Variants in DONSON observed in about 807,000 individuals in gnomAD.
DONSON encodes protein downstream neighbor of Son.
DONSON carries 43 observed loss-of-function variants against 62.1 expected under a neutral mutation model. The ratio of observed to expected loss-of-function variants is 0.69; its 90% confidence interval spans 0.54 to 0.89. The LOEUF is 0.89. DONSON is among the 40% of genes least tolerant of loss of function. DONSON has a pLI of 0.00. For missense variants in DONSON, 696 were observed against 697.5 expected (o/e 1.00, Z 0.03); for synonymous variants, 266 against 264.6 (o/e 1.01, Z -0.05).
In DONSON at chr21:33,588,459, C is replaced by T. The variant is rs1372351249; in HGVS notation, c.183G>A (p.Ala61=). Residue 61 remains alanine (A), a synonymous_variant, in exon 1 of 10, where the codon GCG becomes GCA. Transcript: ENST00000303071. ...AGLPLRPFPA[A]GGRGGGSGGG... is the part of the protein sequence containing the mutation. Reference sequence around the variant, plus strand: ...CGCCGCTGCCACCGCCTCTGCCCCCCGCAGCAGGGAAAGGGCGAAGAGGCA... The same window carrying T: ...CGCCGCTGCCACCGCCTCTGCCCCCTGCAGCAGGGAAAGGGCGAAGAGGCA... 3.8e-6 allele frequency: 5 copies of T among 1,301,466 alleles called. No homozygotes were observed. Among genetic ancestry groups the T allele is most frequent in the Middle Eastern group, 2.8e-4 (1 of 3,566 alleles). 80.6% of individuals were successfully genotyped at this position (1,301,466 alleles called of 1,614,324 possible). A position where few individuals can be genotyped will look rare whatever the true frequency, so the allele number is the denominator to read the frequency against.
intron 5 of DONSON, 136 bp downstream of exon 5, chr21:33,583,352 G>C (rs1320278264): frequency 1.3e-6 from 1 of 772,408 alleles, no homozygotes; most frequent in African/African-American, 1.8e-5. Flanking sequence ...GGGAAAAAAA[G>C]CCAGAAATAA....
At chr21:33,585,795 TA>T (rs773701289) in intron 3 of DONSON, among the ~76,000 whole-genome samples, 182 bp downstream of exon 3, 158 of 142,896 alleles carry the variant, frequency 1.1e-3, no homozygotes, top group Middle Eastern at 3.6e-3. Context: ...CAATCTGACT[TA>T]AAAAAAAAAA....
At chr21:33,583,754 T>A in intron 4 of DONSON, 88 bp from the exon 5 acceptor site, 1 of 1,046,282 alleles carries the variant, frequency 9.6e-7, no homozygotes, top group Non-Finnish European at 1.4e-6. Flanking sequence ...ATACCTGGTT[T>A]AAAACACAAC....
At chr21:33,579,806 T>C (rs895664424) in intron 8 of DONSON, among the ~76,000 whole-genome samples, 3 of 152,222 alleles carry the variant, frequency 2.0e-5, no homozygotes, top group African/African-American at 2.4e-5. Context: ...TTTTTTCATA[T>C]AGTATTTTAT....
At chr21:33,579,237 A>C in intron 9 of DONSON, 113 bp downstream of exon 9, 1 of 717,100 alleles carries the variant, frequency 1.4e-6, no homozygotes, top group Non-Finnish European at 2.1e-6. Flanking sequence ...ATAATTAAGT[A>C]ACAGTTTAAT....
In DONSON at chr21:33,582,250, T is replaced by C. The variant is rs1361969918; in HGVS notation, c.965-4A>G. ...AAAGGCAGAGAAAATTCAATACCTA[T>C]ATGAGGAACAAAAATGTAACTGAGT... On this transcript the variant is annotated splice_polypyrimidine_tract_variant and splice_region_variant and intron_variant, in intron 5 of 9. Transcript: ENST00000303071. 1.9e-6 allele frequency: 3 copies of C among 1,607,280 alleles called. No homozygotes were observed. Among genetic ancestry groups the C allele is most frequent in the Non-Finnish European group, 2.6e-6 (3 of 1,174,364 alleles).
At chr21:33,585,254 T>C (rs1001988706) in intron 3 of DONSON, among the ~76,000 whole-genome samples, 3 of 152,196 alleles carry the variant, frequency 2.0e-5, no homozygotes, top group Non-Finnish European at 2.9e-5. Context: ...ATAGTCTCAC[T>C]CTGTCACTGA....
At position 33,588,375 on chromosome 21, in the gene DONSON, G is replaced by C; in HGVS notation, c.267C>G (p.Val89=). The change falls in exon 1 of 10, where the codon GTC becomes GTG. Residue 89 remains valine, a synonymous_variant. Coordinates refer to ENST00000303071, the MANE Select transcript of DONSON (RefSeq NM_017613.4). ...CCGGCCCGTCGGGGGGCTCCGCGGC[G>C]ACCCGCGGTCGGTTGTCCAGGCGGG... The part of the protein sequence containing the change: ...PFARLDNRPR[V]AAEPPDGPAR... The C allele has an allele frequency of 7.7e-7, 1 of 1,291,628 alleles. No individual in the cohort carries two copies. The highest frequency in any genetic ancestry group is 9.8e-7 in the Non-Finnish European group (1 of 1,024,484). 80.0% of individuals were successfully genotyped at this position (1,291,628 alleles called of 1,614,324 possible). A position where few individuals can be genotyped will look rare whatever the true frequency, so the allele number is the denominator to read the frequency against.
intron 2 of DONSON, among the ~76,000 whole-genome samples, chr21:33,586,830 G>A (rs1390316567): frequency 6.6e-6 from 1 of 151,636 alleles, no homozygotes; most frequent in Non-Finnish European, 1.5e-5. Flanking sequence ...CGAGACGGGG[G>A]TTTCGTCATA....
At position 33,581,286 on chromosome 21, in the gene DONSON, T is replaced by A. The variant is rs1050448860; in HGVS notation, c.1350+16A>T. 1.2e-6 allele frequency: 2 copies of A among 1,611,748 alleles called. No individual in the cohort carries two copies. Among genetic ancestry groups the A allele is most frequent in the African/African-American group, 2.7e-5 (2 of 74,870 alleles). On this transcript the variant is annotated intron_variant, in intron 8 of 9. Transcript: ENST00000303071. Reference sequence around the variant, plus strand: ...AAAGTACTTCTTAAAAGCTAGGTTATGCAGACTTTTATTACCTTAAGCATT... The same window carrying A: ...AAAGTACTTCTTAAAAGCTAGGTTAAGCAGACTTTTATTACCTTAAGCATT...
intron 2 of DONSON, among the ~76,000 whole-genome samples, chr21:33,586,955 T>C (rs1052083168): frequency 2.6e-5 from 4 of 152,134 alleles, no homozygotes. Context: ...TTCTTTTATA[T>C]CACAATAAAA....
In DONSON at chr21:33,588,268, C is replaced by T. The variant is rs557267501; in HGVS notation, c.321+53G>A. 474 of 1,206,446 alleles carry T rather than the reference C, an allele frequency of 3.9e-4. 10 individuals are homozygous for T. In the South Asian group the frequency reaches 0.017, roughly 42 times the overall value. 74.7% of individuals were successfully genotyped at this position (1,206,446 alleles called of 1,614,324 possible). A position where few individuals can be genotyped will look rare whatever the true frequency, so the allele number is the denominator to read the frequency against. On this transcript the variant is annotated intron_variant, in intron 1 of 9. Coordinates refer to ENST00000303071, the MANE Select transcript of DONSON (RefSeq NM_017613.4). The stretch of plus-strand genomic sequence containing the variant: ...CTTTCCATCCCCCATTCACAGCTGG[C>T]TCAACCCACGAAAGACAAGAGCCCC...
intron 8 of DONSON, 144 bp from the exon 9 acceptor site, chr21:33,579,706 A>G: frequency 1.6e-6 from 1 of 639,328 alleles, no homozygotes; most frequent in Non-Finnish European, 2.7e-6. Flanking sequence ...ACATCTAAAC[A>G]ATGTTATGTG....
Position 33,577,603 on chromosome 21 carries a change from CTACACACACACACA to C in DONSON, c.*690_*703del, listed in dbSNP as rs2086433345. ...AAAATGTGAATTATACAGTCCCCCC[CTACACACACACACA>C]CACACACACACACACACACACACAC... On this transcript the variant is annotated 3_prime_UTR_variant, in exon 10 of 10. Transcript: ENST00000303071. The C allele has an allele frequency of 3.9e-5, 2 of 51,694 alleles. No homozygotes were observed. Among genetic ancestry groups the C allele is most frequent in the African/African-American group, 1.5e-4 (2 of 13,304 alleles). 3.2% of individuals were successfully genotyped at this position (51,694 alleles called of 1,614,324 possible).
intron 8 of DONSON, among the ~76,000 whole-genome samples, chr21:33,580,420 C>T (rs2086492847): frequency 1.1e-5 from 1 of 94,634 alleles, no homozygotes; most frequent in Admixed American, 1.3e-4. Flanking sequence ...AAAAATTAGC[C>T]AGGCGTGGTG....
At chr21:33,581,042 G>A in intron 8 of DONSON, 1 of 325,044 alleles carries the variant, frequency 3.1e-6, no homozygotes, top group Non-Finnish European at 5.8e-6. Context: ...TCACGCCACT[G>A]CACTCCATTC....
rs765189899 is a variant in DONSON at position 33,581,495 on chromosome 21, T to C, written c.1157A>G (p.Lys386Arg). ...KPDILSIKLR[K>R]EKHEVQMDHR... The stretch of plus-strand genomic sequence containing the variant: ...ATCCATTTGTACTTCATGTTTCTCT[T>C]TACGCCTGAAGATGACAATCAAGGA... Residue 386 changes from lysine to arginine, a missense_variant, in exon 8 of 10, where the codon AAA becomes AGA. By Grantham distance (26) the Lys-to-Arg change is conservative. Coordinates refer to ENST00000303071, the MANE Select transcript of DONSON (RefSeq NM_017613.4). 1.2e-6 allele frequency: 2 copies of C among 1,612,238 alleles called. No individual in the cohort carries two copies. Among genetic ancestry groups the C allele is most frequent in the South Asian group, 1.1e-5 (1 of 90,968 alleles).
rs1569073192 is a variant in DONSON, at chr21:33,577,680, CACACACACACACACACACACA to C, written c.*606_*626del. On this transcript the variant is annotated 3_prime_UTR_variant, in exon 10 of 10. Coordinates refer to ENST00000303071, the MANE Select transcript of DONSON (RefSeq NM_017613.4). ...ACACACACACACACACACACACACA[CACACACACACACACACACACA>C]CCCCTATAAGCACATTAAATACTAC... The C allele has an allele frequency of 9.1e-4, 95 of 104,876 alleles. 1 individual carries two copies. The highest frequency in any genetic ancestry group is 1.2e-3 in the African/African-American group (27 of 23,342). The allele number at this position is 104,876 out of a possible 1,614,324, so 6.5% of individuals were successfully genotyped here. A position where few individuals can be genotyped will look rare whatever the true frequency, so the allele number is the denominator to read the frequency against.
In DONSON at chr21:33,588,481, G is replaced by A; in HGVS notation, c.161C>T (p.Pro54Leu). The A allele has an allele frequency of 7.9e-7, 1 of 1,268,318 alleles. No individual in the cohort carries two copies. Among genetic ancestry groups the A allele is most frequent in the Non-Finnish European group, 9.9e-7 (1 of 1,008,088 alleles). 78.6% of individuals were successfully genotyped at this position (1,268,318 alleles called of 1,614,324 possible). ...ARRAALVAGL[P>L]LRPFPAAGGR... ...CCCCGCAGCAGGGAAAGGGCGAAGAGGCAGCCCCGCCACCAGGGCGGCTCG... is the reference window on the plus strand; with the variant it reads ...CCCCGCAGCAGGGAAAGGGCGAAGAAGCAGCCCCGCCACCAGGGCGGCTCG... Residue 54 changes from proline to leucine, a missense_variant, in exon 1 of 10, where the codon CCT (proline) becomes CTT (leucine). Physicochemically the swap from Pro to Leu is moderately conservative, Grantham distance 98 (BLOSUM62 -3). Transcript: ENST00000303071.
Sources: allele counts gnomAD v4.1 joint callset (sites outside exome capture counted in the v4.1 genomes callset), GRCh38; gene constraint gnomAD v4.1.1; transcripts MANE v1.5; gene names NCBI Gene and HGNC (gene_info 2026-07-23, HGNC 2026-07-21).